Variants in CMTM4 observed in about 807,000 individuals in gnomAD.
CMTM4 encodes the protein CKLF like MARVEL transmembrane domain containing 4.
A neutral mutation model predicts 19.0 loss-of-function variants in CMTM4; 8 were observed. That is an observed-to-expected ratio of 0.42 (90% confidence interval 0.25 to 0.76). The LOEUF (loss-of-function observed/expected upper bound fraction) is 0.76, where lower values mean the gene tolerates loss of function less well. Among genes scored for constraint, CMTM4 ranks in the 30% least tolerant of loss-of-function variants. The pLI is 0.27. For missense variants in CMTM4, 228 were observed against 290.2 expected (o/e 0.79, Z 1.56); for synonymous variants, 106 against 121.1 (o/e 0.88, Z 0.82).
downstream of CMTM4, among the ~76,000 whole-genome samples, chr16:66,614,307 C>T (rs866291358): frequency 3.9e-5 from 6 of 152,174 alleles, no homozygotes; most frequent in South Asian, 2.1e-4. This position sits in a 1 kb window ranked among gnomAD's most constrained non-coding sequence, Gnocchi z 4.9. Context: ...AGACAGAGGT[C>T]GGGTAACTGG....
At chr16:66,625,057 C>A (rs1416667822) in intron 2 of CMTM4, among the ~76,000 whole-genome samples, 1 of 152,296 alleles carries the variant, frequency 6.6e-6, no homozygotes, top group African/African-American at 2.4e-5. Flanking sequence ...GGGGAAAATA[C>A]AATACACTGT....
chr16:66,652,920 G>A (rs902708354), intron 1 of CMTM4, among the ~76,000 whole-genome samples: 2 of 152,140 alleles, frequency 1.3e-5, no homozygotes, highest in African/African-American at 4.8e-5. Flanking sequence ...TTTTCAGACC[G>A]TTTAAATTAG....
At chr16:66,604,998 T>C in the CMTM4 span, 2 of 1,409,958 alleles carry the variant, frequency 1.4e-6, no homozygotes, top group Non-Finnish European at 1.8e-6. Flanking sequence ...ACTGCGCGGC[T>C]CCTTTCGGAG....
At chr16:66,643,357 G>C (rs1467392808) in intron 1 of CMTM4, among the ~76,000 whole-genome samples, 1 of 152,182 alleles carries the variant, frequency 6.6e-6, no homozygotes, top group Non-Finnish European at 1.5e-5. Context: ...CATATGCTCT[G>C]ACACCACTGC....
At chr16:66,681,736 C>T (rs1365233771) in intron 1 of CMTM4, among the ~76,000 whole-genome samples, 1 of 152,186 alleles carries the variant, frequency 6.6e-6, no homozygotes, top group Non-Finnish European at 1.5e-5. Context: ...AATCCAATTT[C>T]ATCAGGCTAA....
intron 1 of CMTM4, among the ~76,000 whole-genome samples, chr16:66,645,958 G>A (rs959751697): frequency 2.6e-5 from 4 of 152,126 alleles, no homozygotes; most frequent in African/African-American, 7.2e-5. Context: ...CAGCCTGGGC[G>A]ACAGAGCGAG....
chr16:66,683,532 C>T (rs536720372), intron 1 of CMTM4, among the ~76,000 whole-genome samples: 2 of 151,688 alleles, frequency 1.3e-5, no homozygotes, highest in East Asian at 3.9e-4. Flanking sequence ...ACCTCGTGAT[C>T]CGCCTGCCTC....
chr16:66,664,860 G>A (rs1315918298), intron 1 of CMTM4, among the ~76,000 whole-genome samples: 3 of 152,118 alleles, frequency 2.0e-5, no homozygotes, highest in Admixed American at 6.6e-5. Context: ...GGACATGGTG[G>A]CTCACACCTG....
intron 1 of CMTM4, among the ~76,000 whole-genome samples, chr16:66,666,652 G>C (rs1202582591): frequency 6.6e-6 from 1 of 152,094 alleles, no homozygotes; most frequent in Non-Finnish European, 1.5e-5. Context: ...CAAAATGCTT[G>C]ATATCATTAG....
chr16:66,696,013 A>G lies in CMTM4; in HGVS notation c.186+327T>C, dbSNP rs1014104081. Among the ~76,000 whole-genome samples the G allele has an allele frequency of 6.6e-6, 1 of 152,162 alleles. No individual in the cohort carries two copies. The highest frequency in any genetic ancestry group is 1.5e-5 in the Non-Finnish European group (1 of 68,018). ...TGCTAAGACCAGCTGTACCCAGGAG[A>G]CAGCAGGATTCCCAGCAGCACCCAG... is the stretch of plus-strand genomic sequence containing the variant. On this transcript the variant is annotated intron_variant, in intron 1 of 3. Coordinates refer to ENST00000394106, the MANE Select transcript of CMTM4 (RefSeq NM_181521.3). The surrounding 1 kb of genome is among the most constrained non-coding windows in gnomAD (Gnocchi z 4.3).
At position 66,622,632 on chromosome 16, in the gene CMTM4, A is replaced by G. The variant is rs981567139; in HGVS notation, c.463-410T>C. 6.6e-6 allele frequency among the ~76,000 whole-genome samples: 1 copy of G among 152,216 alleles called. No individual in the cohort carries two copies. The highest frequency in any genetic ancestry group is 2.4e-5 in the African/African-American group (1 of 41,458). ...TTCAGGGCCTCTGGTCCCAGATGAGAAAATACAGTGCAGACAAAATGTAAC... is the reference window on the plus strand; with the variant it reads ...TTCAGGGCCTCTGGTCCCAGATGAGGAAATACAGTGCAGACAAAATGTAAC... On this transcript the variant is annotated intron_variant, in intron 3 of 3. Coordinates refer to ENST00000394106, the MANE Select transcript of CMTM4 (RefSeq NM_181521.3). This position sits in a 1 kb window ranked among gnomAD's most constrained non-coding sequence, Gnocchi z 4.0.
rs572501993 is a variant in CMTM4, at chr16:66,622,137, C to T, written c.548G>A (p.Ser183Asn). The change falls in exon 4 of 4, where the codon AGC (serine) becomes AAC (asparagine). Residue 183 changes from serine to asparagine, a missense_variant. Coordinates refer to ENST00000394106, the MANE Select transcript of CMTM4 (RefSeq NM_181521.3). This position sits in a 1 kb window ranked among gnomAD's most constrained non-coding sequence, Gnocchi z 4.0. ...QKWRVSVRQQSTNDYIRARTE... is the reference protein window; with the variant it reads ...QKWRVSVRQQNTNDYIRARTE... ...GCGGGCTCGGATGTAGTCATTGGTG[C>T]TCTGCTGGCGGACGCTGACTCTCCA... 1.2e-6 allele frequency: 2 copies of T among 1,612,642 alleles called. No individual in the cohort carries two copies. The highest frequency in any genetic ancestry group is 1.3e-5 in the African/African-American group (1 of 75,044).
chr16:66,679,095 TC>T (rs2016860826), intron 1 of CMTM4, among the ~76,000 whole-genome samples: 1 of 144,502 alleles, frequency 6.9e-6, no homozygotes, highest in East Asian at 2.1e-4. Context: ...CAAGACTCCA[TC>T]TAAAAAAAAA....
Position 66,621,780 on chromosome 16 carries a change from G to A in CMTM4, c.*278C>T. On this transcript the variant is annotated 3_prime_UTR_variant, in exon 4 of 4. Transcript: ENST00000394106. ...AATACACACGACAAGGTGGCTCAGA[G>A]TCAAAGGAAGCCTGTGCTTCAGGGC... 7.8e-7 allele frequency: 1 copy of A among 1,278,218 alleles called. No individual in the cohort carries two copies. Among genetic ancestry groups the A allele is most frequent in the Non-Finnish European group, 9.9e-7 (1 of 1,005,386 alleles). The allele number at this position is 1,278,218 out of a possible 1,614,324, so 79.2% of individuals were successfully genotyped here. A position where few individuals can be genotyped will look rare whatever the true frequency, so the allele number is the denominator to read the frequency against.
chr16:66,695,759 G>A (rs1229969007), intron 1 of CMTM4, among the ~76,000 whole-genome samples: 2 of 152,184 alleles, frequency 1.3e-5, no homozygotes, highest in Non-Finnish European at 2.9e-5. Flanking sequence ...TGTCTTCTTG[G>A]TTAGAAGGAC....
At chr16:66,647,322 T>C (rs1449185820) in intron 1 of CMTM4, among the ~76,000 whole-genome samples, 2 of 92,950 alleles carry the variant, frequency 2.2e-5, no homozygotes, top group Admixed American at 1.4e-4. Flanking sequence ...AGACTCTGTC[T>C]CAAAAAAAAA....
the CMTM4 span, chr16:66,604,900 C>T: frequency 3.4e-6 from 5 of 1,455,048 alleles, no homozygotes; most frequent in East Asian, 6.0e-5. Context: ...GCCCTGCTGC[C>T]GGCGCGGGCT....
chr16:66,656,070 A>C (rs1331385854), intron 1 of CMTM4, among the ~76,000 whole-genome samples: 2 of 152,166 alleles, frequency 1.3e-5, no homozygotes, highest in Non-Finnish European at 2.9e-5. Context: ...GTGCCAATGC[A>C]TTCTAGCCTG....
chr16:66,600,002 T>C, the CMTM4 span, among the ~76,000 whole-genome samples: 1 of 152,128 alleles, frequency 6.6e-6, no homozygotes, highest in African/African-American at 2.4e-5. Context: ...ACACGCTTAT[T>C]GGACGTTCAT....
Sources: gnomAD v4.1 joint callset for allele counts (sites outside exome capture counted in the v4.1 genomes callset) on GRCh38, gnomAD v4.1.1 for gene constraint, Gnocchi (gnomAD v3.1) non-coding constraint, MANE v1.5 for transcripts, NCBI Gene and HGNC (gene_info 2026-07-23, HGNC 2026-07-21) for gene names.